FOXO1: variants seen among roughly 807,000 people sequenced by gnomAD.
FOXO1 encodes the protein forkhead box O1, also known as forkhead box protein O1.
FOXO1 carries 6 observed loss-of-function variants against 44.1 expected under a neutral mutation model. The observed-to-expected ratio is 0.14, with a 90% confidence interval of 0.07 to 0.27. The LOEUF (loss-of-function observed/expected upper bound fraction) is 0.27. Among genes scored for constraint, FOXO1 ranks in the 10% least tolerant of loss-of-function variants. The pLI, the probability that FOXO1 is intolerant of heterozygous loss-of-function variation, is 1.00. For missense variants in FOXO1, 737 were observed against 888.8 expected, an observed-to-expected ratio of 0.83 and a Z score of 2.17; for synonymous variants, 380 against 362.7, an observed-to-expected ratio of 1.05 and a Z score of -0.54.
chr13:40,610,482 TATG>T (rs1876190418), intron 1 of FOXO1, among the ~76,000 whole-genome samples: 1 of 152,172 alleles, frequency 6.6e-6, no homozygotes, highest in South Asian at 2.1e-4. Context: ...ACCTGTTCCT[TATG>T]ATTATGATTT....
chr13:40,560,625 C>A lies in FOXO1; in HGVS notation c.866G>T (p.Gly289Val), dbSNP rs374649965. The A allele has an allele frequency of 9.3e-6, 15 of 1,614,068 alleles. No individual in the cohort carries two copies. The African/African-American group carries it at 1.9e-4, about 20-fold the overall frequency. ...TGCAGGCCATTTGGAAAACTGTGATCCAGGGCTGTCCCCAGCACCCTCCTG... is the reference window on the plus strand; with the variant it reads ...TGCAGGCCATTTGGAAAACTGTGATACAGGGCTGTCCCCAGCACCCTCCTG... ...SGQEGAGDSPGSQFSKWPASP... is the reference protein window; with the variant it reads ...SGQEGAGDSPVSQFSKWPASP... Residue 289 changes from glycine to valine, a missense_variant, in exon 2 of 3, where the codon GGA becomes GTA. Physicochemically the swap from Gly to Val is moderately radical, Grantham distance 109 (BLOSUM62 -3). This residue lies in a region of FOXO1 where 136 missense variants were observed against 186.4 expected (regional missense o/e 0.73). Coordinates refer to ENST00000379561, the MANE Select transcript of FOXO1 (RefSeq NM_002015.4). This position sits in a 1 kb window ranked among gnomAD's most constrained non-coding sequence, Gnocchi z 5.1.
At chr13:40,591,506 G>A (rs1875368430) in intron 1 of FOXO1, among the ~76,000 whole-genome samples, 1 of 152,112 alleles carries the variant, frequency 6.6e-6, no homozygotes, top group African/African-American at 2.4e-5. Flanking sequence ...CAGGAAACCT[G>A]GTGCCATACT....
chr13:40,572,667 A>C (rs1874581077), intron 1 of FOXO1, among the ~76,000 whole-genome samples: 1 of 152,224 alleles, frequency 6.6e-6, no homozygotes, highest in Admixed American at 6.5e-5. Flanking sequence ...TAGCTTCCCA[A>C]ATGGGTTGAC....
At chr13:40,610,324 T>A (rs1444816623) in intron 1 of FOXO1, among the ~76,000 whole-genome samples, 1 of 152,150 alleles carries the variant, frequency 6.6e-6, no homozygotes, top group Admixed American at 6.5e-5. Flanking sequence ...TTTGGCACCA[T>A]CTAAAACCAG....
chr13:40,664,831 C>CCGCCCG (rs1347186845), intron 1 of FOXO1, among the ~76,000 whole-genome samples: 126 of 137,072 alleles, frequency 9.2e-4, no homozygotes, highest in African/African-American at 3.4e-3. Context: ...GCCACCGCCA[C>CCGCCCG]CGCCCGCGCC....
At chr13:40,663,057 T>C (rs1317857101) in intron 1 of FOXO1, among the ~76,000 whole-genome samples, 1 of 152,218 alleles carries the variant, frequency 6.6e-6, no homozygotes, top group Admixed American at 6.5e-5. Context: ...CAATCAGACT[T>C]AAACCAACTG....
intron 1 of FOXO1, among the ~76,000 whole-genome samples, chr13:40,566,111 G>T (rs935370585): frequency 1.3e-5 from 2 of 152,200 alleles, no homozygotes; most frequent in African/African-American, 2.4e-5. Flanking sequence ...CTGGGGCCAG[G>T]GGCCTCCGAG....
At chr13:40,627,482 GGA>G (rs1310936072) in intron 1 of FOXO1, among the ~76,000 whole-genome samples, 2 of 152,238 alleles carry the variant, frequency 1.3e-5, no homozygotes, top group East Asian at 3.9e-4. Flanking sequence ...TTGCTACTAA[GGA>G]GATTATTAGG....
chr13:40,621,832 T>A (rs148745868), intron 1 of FOXO1, among the ~76,000 whole-genome samples: 1 of 152,190 alleles, frequency 6.6e-6, no homozygotes, highest in African/African-American at 2.4e-5. Context: ...TTATTTGAAA[T>A]GTTAAATTTA....
Position 40,627,697 on chromosome 13 carries a change from G to T in FOXO1, c.630+37886C>A, listed in dbSNP as rs557278125. 3.9e-5 allele frequency among the ~76,000 whole-genome samples: 6 copies of T among 152,168 alleles called. No homozygotes were observed. In the East Asian group the frequency reaches 1.2e-3, roughly 29 times the overall value. On this transcript the variant is annotated intron_variant, in intron 1 of 2. Transcript: ENST00000379561. ...AAAACACCAAAATTAGCCAGGCATG[G>T]TGGCAGGCGTCTGTAATCCCAGCTA... is the stretch of plus-strand genomic sequence containing the variant.
chr13:40,628,989 T>C (rs1020903491), intron 1 of FOXO1, among the ~76,000 whole-genome samples: 4 of 152,220 alleles, frequency 2.6e-5, no homozygotes, highest in African/African-American at 4.8e-5. Context: ...GAGCAGGACC[T>C]GTGGGTGTCC....
At chr13:40,647,815 T>C (rs1011590323) in intron 1 of FOXO1, among the ~76,000 whole-genome samples, 1 of 152,182 alleles carries the variant, frequency 6.6e-6, no homozygotes, top group Admixed American at 6.5e-5. Flanking sequence ...CATCCTTCAC[T>C]GGCTGGAACA....
chr13:40,560,636 C>A lies in FOXO1; in HGVS notation c.855G>T (p.Gly285=). 1 of 1,614,134 alleles carries A rather than the reference C, an allele frequency of 6.2e-7. No homozygotes were observed. Among genetic ancestry groups the A allele is most frequent in the African/African-American group, 1.3e-5 (1 of 75,030 alleles). Residue 285 remains glycine, a synonymous_variant, in exon 2 of 3, where the codon GGG becomes GGT. Transcript: ENST00000379561. This position sits in a 1 kb window ranked among gnomAD's most constrained non-coding sequence, Gnocchi z 5.1. ...TGGAAAACTGTGATCCAGGGCTGTCCCCAGCACCCTCCTGGCCAGACTGGA... is the reference window on the plus strand; with the variant it reads ...TGGAAAACTGTGATCCAGGGCTGTCACCAGCACCCTCCTGGCCAGACTGGA... ...ASLQSGQEGA[G]DSPGSQFSKW...
intron 1 of FOXO1, among the ~76,000 whole-genome samples, chr13:40,633,376 T>C (rs1877041190): frequency 6.6e-6 from 1 of 152,222 alleles, no homozygotes; most frequent in Admixed American, 6.5e-5. Flanking sequence ...TTGAAATTAT[T>C]TAAAATCAAC....
chr13:40,610,199 T>C (rs1593398877), intron 1 of FOXO1, among the ~76,000 whole-genome samples: 1 of 152,162 alleles, frequency 6.6e-6, no homozygotes, highest in Admixed American at 6.5e-5. Context: ...GGGTGCTTTT[T>C]GTGGAAGCAT....
intron 1 of FOXO1, among the ~76,000 whole-genome samples, chr13:40,606,514 T>G (rs916782383): frequency 1.3e-5 from 2 of 152,138 alleles, no homozygotes; most frequent in Non-Finnish European, 2.9e-5. Context: ...GGTTTCACCA[T>G]GTTGGCCAGG....
At chr13:40,583,201 T>C (rs527745774) in intron 1 of FOXO1, among the ~76,000 whole-genome samples, 71 of 152,204 alleles carry the variant, frequency 4.7e-4, no homozygotes, top group Non-Finnish European at 9.3e-4. Flanking sequence ...GCTTAAAATA[T>C]TCAGTAAGCC....
At chr13:40,633,944 A>G (rs1242124547) in intron 1 of FOXO1, among the ~76,000 whole-genome samples, 1 of 152,180 alleles carries the variant, frequency 6.6e-6, no homozygotes, top group Non-Finnish European at 1.5e-5. Flanking sequence ...TGCTATTCCT[A>G]TTTTGCCAAG....
intron 1 of FOXO1, among the ~76,000 whole-genome samples, chr13:40,629,144 CT>C (rs71961639): frequency 2.2e-3 from 311 of 141,528 alleles, no homozygotes; most frequent in Middle Eastern, 0.015. Flanking sequence ...AACAACATGA[CT>C]TTTTTTTTTT....
Sources: allele counts gnomAD v4.1 joint callset (sites outside exome capture counted in the v4.1 genomes callset), GRCh38; gene constraint gnomAD v4.1.1; regional missense constraint gnomAD v4.1.1; non-coding constraint Gnocchi (gnomAD v3.1); transcripts MANE v1.5; gene names NCBI Gene and HGNC (gene_info 2026-07-23, HGNC 2026-07-21).